The following NAALADL2 variants were observed in gnomAD, a reference collection of about 807,000 sequenced individuals.
The protein encoded by NAALADL2 is N-acetylated alpha-linked acidic dipeptidase like 2.
A neutral mutation model predicts 87.2 loss-of-function variants in NAALADL2; 76 were observed. The observed-to-expected ratio is 0.87, with a 90% CI of 0.72 to 1.05. The LOEUF is 1.05. Ranked by LOEUF, NAALADL2 falls within the 50% of genes least tolerant of loss-of-function variation. The pLI is 0.00. For missense variants in NAALADL2, 1,089 were observed against 945.8 expected, an observed-to-expected ratio of 1.15 and a Z score of -1.99; for synonymous variants, 354 against 331.0, an observed-to-expected ratio of 1.07 and a Z score of -0.75.
At chr3:174,461,720 A>G (rs1280231674) in intron 1 of NAALADL2, among the ~76,000 whole-genome samples, 1 of 152,082 alleles carries the variant, frequency 6.6e-6, no homozygotes, top group African/African-American at 2.4e-5. Flanking sequence ...CAAGGTCTGC[A>G]CTTAACATGA....
At chr3:174,793,188 A>C (rs1159433444) in intron 3 of NAALADL2, among the ~76,000 whole-genome samples, 1 of 152,090 alleles carries the variant, frequency 6.6e-6, no homozygotes, top group Non-Finnish European at 1.5e-5. Context: ...CTTTTATGAG[A>C]CAAACTTATT....
chr3:175,429,176 T>TACACACACACACAC (rs749991023), intron 5 of NAALADL2, among the ~76,000 whole-genome samples: 4 of 125,512 alleles, frequency 3.2e-5, no homozygotes, highest in African/African-American at 5.5e-5. Flanking sequence ...TATATATATG[T>TACACACACACACAC]ACACACACAC....
chr3:175,491,916 A>G (rs1728154427), intron 9 of NAALADL2, among the ~76,000 whole-genome samples: 1 of 152,206 alleles, frequency 6.6e-6, no homozygotes. Context: ...TAATTTGCAA[A>G]TGAAACTCAA....
At chr3:174,635,048 A>C (rs992634768) in intron 2 of NAALADL2, among the ~76,000 whole-genome samples, 1 of 152,150 alleles carries the variant, frequency 6.6e-6, no homozygotes, top group African/African-American at 2.4e-5. Context: ...TCTTGCTTCA[A>C]ATTGTTTTAT....
intron 9 of NAALADL2, among the ~76,000 whole-genome samples, chr3:175,574,875 C>G (rs185458280): frequency 2.6e-5 from 4 of 152,086 alleles, no homozygotes; most frequent in Non-Finnish European, 5.9e-5. Flanking sequence ...ATACTTTATG[C>G]GCTTGTTATG....
intron 4 of NAALADL2, among the ~76,000 whole-genome samples, chr3:175,279,246 A>G (rs1476289251): frequency 6.6e-6 from 1 of 152,146 alleles, no homozygotes; most frequent in Non-Finnish European, 1.5e-5. Context: ...TTTAATCTGG[A>G]CTAACTGAAG....
intron 11 of NAALADL2, chr3:175,718,481 C>T (rs1034230654): frequency 1.2e-5 from 19 of 1,584,454 alleles, no homozygotes; most frequent in Non-Finnish European, 1.5e-5. Context: ...GCTGTATATT[C>T]GGTTTTCATA....
intron 3 of NAALADL2, among the ~76,000 whole-genome samples, chr3:174,831,332 T>C (rs1722664202): frequency 6.8e-6 from 1 of 146,786 alleles, no homozygotes; most frequent in South Asian, 2.1e-4. Flanking sequence ...TGTTGAATTT[T>C]GTCAAAGGCC....
At chr3:174,661,777 T>C (rs1268468303) in intron 2 of NAALADL2, among the ~76,000 whole-genome samples, 1 of 152,042 alleles carries the variant, frequency 6.6e-6, no homozygotes, top group African/African-American at 2.4e-5. Flanking sequence ...TCTGTGTCCA[T>C]GGATAAAGAA....
At chr3:175,709,943 A>C (rs142417275) in intron 11 of NAALADL2, among the ~76,000 whole-genome samples, 1 of 152,206 alleles carries the variant, frequency 6.6e-6, no homozygotes, top group East Asian at 1.9e-4. Context: ...TGATGCGAGG[A>C]AATCAAGACT....
intron 1 of NAALADL2, among the ~76,000 whole-genome samples, chr3:174,974,710 T>A (rs1421155707): frequency 6.6e-6 from 1 of 152,170 alleles, no homozygotes; most frequent in Non-Finnish European, 1.5e-5. Context: ...GATATAATTG[T>A]TCAATTGTAT....
intron 2 of NAALADL2, among the ~76,000 whole-genome samples, chr3:174,697,110 A>C (rs552820279): frequency 8.8e-4 from 109 of 123,416 alleles, no homozygotes; most frequent in Non-Finnish European, 1.6e-3. Flanking sequence ...TATGGCTCTG[A>C]CTTTGCAGTA....
chr3:175,597,848 A>G (rs999146949), intron 10 of NAALADL2, among the ~76,000 whole-genome samples: 1 of 152,068 alleles, frequency 6.6e-6, no homozygotes, highest in African/African-American at 2.4e-5. Context: ...GAGTTTGCAC[A>G]GTTTCTAGCA....
intron 1 of NAALADL2, among the ~76,000 whole-genome samples, chr3:174,456,328 A>G (rs575246594): frequency 6.7e-6 from 1 of 150,124 alleles, no homozygotes; most frequent in South Asian, 2.1e-4. Flanking sequence ...CAAACTACCA[A>G]TGACATTCTT....
intron 10 of NAALADL2, among the ~76,000 whole-genome samples, chr3:175,583,811 A>G (rs1380343044): frequency 6.6e-6 from 1 of 152,216 alleles, no homozygotes; most frequent in Non-Finnish European, 1.5e-5. Context: ...ATTTATATGA[A>G]CTAGCTTCTA....
At chr3:175,380,955 G>A (rs987716038) in intron 5 of NAALADL2, among the ~76,000 whole-genome samples, 6 of 151,804 alleles carry the variant, frequency 4.0e-5, no homozygotes, top group Non-Finnish European at 8.8e-5. Context: ...GAGACAAGAG[G>A]TGCTAAGGAA....
At position 174,482,166 on chromosome 3, in the gene NAALADL2, T is replaced by C. The variant is rs9871513; in HGVS notation, c.-184+41134T>C. ...CTGTGAACACAGATGGCATTGCTGC[T>C]GTTACCCCAGAAACTTTATTTCCTG... On this transcript the variant is annotated intron_variant, in intron 1 of 3. Transcript: ENST00000434257. Among the ~76,000 whole-genome samples, 486 of 152,216 alleles carry C rather than the reference T, an allele frequency of 3.2e-3. 5 individuals carry two copies. The highest frequency in any genetic ancestry group is 0.011 in the African/African-American group (473 of 41,554).
chr3:174,782,165 A>T (rs1716069455), intron 3 of NAALADL2, among the ~76,000 whole-genome samples: 1 of 152,114 alleles, frequency 6.6e-6, no homozygotes. Context: ...CTACATCAAA[A>T]ACAGGGTTTA....
intron 9 of NAALADL2, among the ~76,000 whole-genome samples, chr3:175,552,353 G>C (rs1175341029): frequency 6.6e-6 from 1 of 152,008 alleles, no homozygotes; most frequent in Non-Finnish European, 1.5e-5. Flanking sequence ...AAGGCCTCTA[G>C]TGAAAAAAGA....
Sources: gnomAD v4.1 joint callset for allele counts (sites outside exome capture counted in the v4.1 genomes callset) on GRCh38, gnomAD v4.1.1 for gene constraint, MANE v1.5 for transcripts, NCBI Gene and HGNC (gene_info 2026-07-23, HGNC 2026-07-21) for gene names.